The following ANKRD29 variants were observed in gnomAD, a reference collection of about 807,000 sequenced individuals.
ANKRD29 encodes ankyrin repeat domain-containing protein 29.
In ANKRD29, 32 loss-of-function variants were observed where a neutral mutation model predicts 38.0. The ratio of observed to expected loss-of-function variants is 0.84; its 90% confidence interval spans 0.64 to 1.13. ANKRD29 has a LOEUF of 1.13. ANKRD29 is among the 50% of genes most tolerant of loss of function. The pLI, the probability that ANKRD29 is intolerant of heterozygous loss-of-function variation, is 0.00. For synonymous variants in ANKRD29, 135 were observed against 152.4 expected (o/e 0.89, Z 0.84); for missense variants, 357 against 377.9 (o/e 0.94, Z 0.46).
chr18:23,651,581 A>C (rs917510161), intron 1 of ANKRD29, among the ~76,000 whole-genome samples: 1 of 152,242 alleles, frequency 6.6e-6, no homozygotes, highest in Non-Finnish European at 1.5e-5. Flanking sequence ...CTGAAAGGTA[A>C]ACACACAAGA....
In ANKRD29 at chr18:23,616,564, ACAC is replaced by A. The variant is rs1233089294; in HGVS notation, c.723+1165_723+1167del. On this transcript the variant is annotated intron_variant, in intron 8 of 9. Transcript: ENST00000592179. ...ATATATATATAGTATATATATATATACACTATATATACAGTATATATATATATA... is the reference window on the plus strand; with the variant it reads ...ATATATATATAGTATATATATATATATATATATACAGTATATATATATATA... Among the ~76,000 whole-genome samples the A allele has an allele frequency of 1.8e-3, 253 of 137,664 alleles. 2 individuals are homozygous for A. Among genetic ancestry groups the A allele is most frequent in the South Asian group, 6.8e-3 (31 of 4,568 alleles). 90.3% of individuals were successfully genotyped at this position (137,664 alleles called of 152,430 possible).
chr18:23,658,620 G>C (rs970635039), intron 1 of ANKRD29, among the ~76,000 whole-genome samples: 4 of 152,206 alleles, frequency 2.6e-5, no homozygotes, highest in African/African-American at 4.8e-5. Flanking sequence ...AGACAGACAT[G>C]CCAGGAGGAC....
chr18:23,655,280 T>C (rs1221789200), intron 1 of ANKRD29, among the ~76,000 whole-genome samples: 3 of 151,390 alleles, frequency 2.0e-5, no homozygotes, highest in Non-Finnish European at 2.9e-5. Context: ...TACACTTCAC[T>C]CCCTTTGGAA....
intron 1 of ANKRD29, among the ~76,000 whole-genome samples, chr18:23,653,000 G>A (rs1038294358): frequency 6.6e-6 from 1 of 152,144 alleles, no homozygotes; most frequent in Non-Finnish European, 1.5e-5. Flanking sequence ...ATTTACATAT[G>A]TTTAGATATG....
chr18:23,602,393 C>T lies in ANKRD29; in HGVS notation c.823-1084G>A, dbSNP rs781188060. Reference sequence around the variant, plus strand: ...AAACCTCCAGAGCATAAGAGACACCCGGGAAAGAAGAGCATTGGTGGCTAA... The same window carrying T: ...AAACCTCCAGAGCATAAGAGACACCTGGGAAAGAAGAGCATTGGTGGCTAA... On this transcript the variant is annotated intron_variant, in intron 9 of 9. Transcript: ENST00000592179. Among the ~76,000 whole-genome samples, 28 of 152,146 alleles carry T rather than the reference C, an allele frequency of 1.8e-4. No homozygotes were observed. The Middle Eastern group carries it at 0.01, about 56-fold the overall frequency.
chr18:23,607,318 C>T (rs1375478491), intron 9 of ANKRD29, among the ~76,000 whole-genome samples: 1 of 152,184 alleles, frequency 6.6e-6, no homozygotes, highest in Non-Finnish European at 1.5e-5. Flanking sequence ...AGGCCTAACA[C>T]CTGGGCCTGC....
chr18:23,621,534 G>A (rs1438791905), intron 6 of ANKRD29, among the ~76,000 whole-genome samples: 1 of 152,150 alleles, frequency 6.6e-6, no homozygotes, highest in East Asian at 1.9e-4. Context: ...TTTTTCCAGG[G>A]TCCTCTTGGT....
At chr18:23,614,467 T>C (rs574284926) in intron 8 of ANKRD29, among the ~76,000 whole-genome samples, 1 of 152,188 alleles carries the variant, frequency 6.6e-6, no homozygotes, top group East Asian at 1.9e-4. Context: ...TTCATTTTCA[T>C]AGATGGTTTA....
rs1171458119 is a variant in ANKRD29 at position 23,619,523 on chromosome 18, G to T, written c.627+8C>A. On this transcript the variant is annotated splice_region_variant and intron_variant, in intron 7 of 9. Transcript: ENST00000592179. ...TTCGCTCTTTGGCCGCGCGACTCGG[G>T]CACTCACGTTCCGCGCAGCGTCGCG... is the stretch of plus-strand genomic sequence containing the variant. The T allele has an allele frequency of 7.6e-6, 12 of 1,582,370 alleles. No individual in the cohort carries two copies. Among genetic ancestry groups the T allele is most frequent in the African/African-American group, 1.3e-5 (1 of 74,094 alleles).
chr18:23,604,316 T>C (rs533145956), intron 9 of ANKRD29, among the ~76,000 whole-genome samples: 1 of 152,342 alleles, frequency 6.6e-6, no homozygotes, highest in South Asian at 2.1e-4. Context: ...ACTTCACTTG[T>C]CCTGTATATT....
chr18:23,655,962 G>A (rs1360271288), intron 1 of ANKRD29, among the ~76,000 whole-genome samples: 2 of 150,118 alleles, frequency 1.3e-5, no homozygotes, highest in African/African-American at 4.9e-5. Flanking sequence ...GCGTAGTGGT[G>A]GGCGCCTGTA....
chr18:23,645,090 A>G (rs1448929257), intron 3 of ANKRD29, among the ~76,000 whole-genome samples: 3 of 152,206 alleles, frequency 2.0e-5, no homozygotes, highest in Non-Finnish European at 4.4e-5. Context: ...GACCTGGGAT[A>G]AAATAAGGCT....
chr18:23,619,865 C>A (rs2059774420), intron 6 of ANKRD29: 1 of 482,854 alleles, frequency 2.1e-6, no homozygotes, highest in Non-Finnish European at 3.6e-6. Context: ...GAATAATTGC[C>A]AGTATTCAAA....
At chr18:23,605,710 A>G (rs1395290003) in intron 9 of ANKRD29, among the ~76,000 whole-genome samples, 8 of 151,840 alleles carry the variant, frequency 5.3e-5, no homozygotes, top group Admixed American at 5.3e-4. Context: ...TATTTTTAGT[A>G]GAGACGGGGT....
In ANKRD29 at chr18:23,638,926, A is replaced by G; in HGVS notation, c.253T>C (p.Phe85Leu). ...TCATTATGGCCTTGCTGGGCGGCAA[A>G]GAATAGGGCAGTTGTACCTGACTGG... The part of the protein sequence containing the change: ...QRESGTTALF[F>L]AAQQGHNDVV... The change falls in exon 4 of 10, where the codon TTT becomes CTT. Residue 85 changes from phenylalanine (F) to leucine (L), a missense_variant. Physicochemically the swap from Phe to Leu is conservative, Grantham distance 22 (BLOSUM62 0). Transcript: ENST00000592179. 6.2e-7 allele frequency: 1 copy of G among 1,612,400 alleles called. No individual in the cohort carries two copies. The highest frequency in any genetic ancestry group is 8.5e-7 in the Non-Finnish European group (1 of 1,179,600).
chr18:23,615,151 A>G (rs1176560604), intron 8 of ANKRD29, among the ~76,000 whole-genome samples: 3 of 152,120 alleles, frequency 2.0e-5, no homozygotes, highest in Admixed American at 2.0e-4. Flanking sequence ...CTGGGACTAC[A>G]GCCACACACC....
chr18:23,653,168 C>A (rs749695452), intron 1 of ANKRD29, among the ~76,000 whole-genome samples: 14 of 152,142 alleles, frequency 9.2e-5, no homozygotes, highest in Admixed American at 6.6e-4. Flanking sequence ...ATGATGTTTG[C>A]GCAATGAAAG....
At chr18:23,626,680 T>A in intron 6 of ANKRD29, among the ~76,000 whole-genome samples, 1 of 152,230 alleles carries the variant, frequency 6.6e-6, no homozygotes, top group East Asian at 1.9e-4. Context: ...GATTTGGGAT[T>A]ATGATTCCTC....
chr18:23,609,786 G>A (rs1328462764), intron 9 of ANKRD29, among the ~76,000 whole-genome samples: 1 of 152,206 alleles, frequency 6.6e-6, no homozygotes, highest in Admixed American at 6.5e-5. Flanking sequence ...GGAAGTCTGT[G>A]CACAAGGTCT....
Sources: gnomAD v4.1 joint callset for allele counts (sites outside exome capture counted in the v4.1 genomes callset) on GRCh38, gnomAD v4.1.1 for gene constraint, MANE v1.5 for transcripts, NCBI Gene and HGNC (gene_info 2026-07-23, HGNC 2026-07-21) for gene names.